CTDSP2: variants seen among roughly 807,000 people sequenced by gnomAD.
CTDSP2 encodes CTD small phosphatase 2.
A neutral mutation model predicts 31.6 loss-of-function variants in CTDSP2; 9 were observed. The ratio of observed to expected loss-of-function variants is 0.28; its 90% confidence interval spans 0.17 to 0.50. The LOEUF is 0.50. Among genes scored for constraint, CTDSP2 ranks in the 20% least tolerant of loss-of-function variants. The pLI is 0.98. For missense variants in CTDSP2, 267 were observed against 348.5 expected, an observed-to-expected ratio of 0.77 and a Z score of 1.86; for synonymous variants, 134 against 134.5, an observed-to-expected ratio of 1.00 and a Z score of 0.03.
rs529608072 is a variant in CTDSP2 at position 57,821,333 on chromosome 12, C to T, written c.*2269G>A. 6.6e-6 allele frequency: 1 copy of T among 152,444 alleles called. No individual in the cohort carries two copies. Among genetic ancestry groups the T allele is most frequent in the South Asian group, 2.1e-4 (1 of 4,828 alleles). The allele number at this position is 152,444 out of a possible 1,614,324, so 9.4% of individuals were successfully genotyped here. A position where few individuals can be genotyped will look rare whatever the true frequency, so the allele number is the denominator to read the frequency against. ...TCATGCAGATGCAGCAGGGACACTC[C>T]CACCAAGCCATCCTGGGCTTTGGTC... On this transcript the variant is annotated 3_prime_UTR_variant, in exon 8 of 8. Coordinates refer to ENST00000398073, the MANE Select transcript of CTDSP2 (RefSeq NM_005730.4).
chr12:57,824,343 T>C (rs371325515), intron 5 of CTDSP2, 24 bp from the exon 6 acceptor site: 98 of 1,563,394 alleles, frequency 6.3e-5, no homozygotes, highest in East Asian at 6.7e-5. Flanking sequence ...GAGCAGCCTG[T>C]TGGAGGCATC....
chr12:57,822,941 A>C lies in CTDSP2; in HGVS notation c.*661T>G, dbSNP rs1956156591. ...GTGAGGAAGGCAGGCTCAGCACCCC[A>C]GCCTTGGGGAGACATAGAAAAGGCC... On this transcript the variant is annotated 3_prime_UTR_variant, in exon 8 of 8. Transcript: ENST00000398073. 1 of 152,876 alleles carries C rather than the reference A, an allele frequency of 6.5e-6. No homozygotes were observed. The allele number at this position is 152,876 out of a possible 1,614,324, so 9.5% of individuals were successfully genotyped here.
chr12:57,824,144 C>A, intron 6 of CTDSP2, 55 bp from the exon 7 acceptor site: 1 of 1,610,714 alleles, frequency 6.2e-7, no homozygotes, highest in Non-Finnish European at 8.5e-7. Context: ...TCCTGTATAA[C>A]CCTAGGGACC....
At chr12:57,832,618 A>G (rs1329715876) in intron 1 of CTDSP2, among the ~76,000 whole-genome samples, 1 of 151,698 alleles carries the variant, frequency 6.6e-6, no homozygotes, top group African/African-American at 2.4e-5. Flanking sequence ...ATGGTGAAAC[A>G]CCGTCTCTAT....
intron 1 of CTDSP2, among the ~76,000 whole-genome samples, chr12:57,837,629 T>G (rs909416210): frequency 2.0e-5 from 3 of 150,712 alleles, no homozygotes; most frequent in Admixed American, 6.6e-5. Flanking sequence ...AGGTGGAGGT[T>G]GCAGTGAGCC....
At position 57,829,485 on chromosome 12, in the gene CTDSP2, A is replaced by T; in HGVS notation, c.176T>A (p.Leu59His). ...GTTTGCTTCCTCCTTATACGCAGCG[A>T]GCTCAGTGGAGGAACTTGACTGGCC... ...HVGQSSSSTE[L>H]AAYKEEANTI... Residue 59 changes from leucine to histidine, a missense_variant, in exon 2 of 8, where the codon CTC becomes CAC. By Grantham distance (99) the Leu-to-His change is moderately conservative. Coordinates refer to ENST00000398073, the MANE Select transcript of CTDSP2 (RefSeq NM_005730.4). 6.2e-7 allele frequency: 1 copy of T among 1,614,170 alleles called. No homozygotes were observed. The highest frequency in any genetic ancestry group is 8.5e-7 in the Non-Finnish European group (1 of 1,180,030).
At chr12:57,840,457 G>T (rs191726049) in intron 1 of CTDSP2, among the ~76,000 whole-genome samples, 3 of 152,144 alleles carry the variant, frequency 2.0e-5, no homozygotes, top group African/African-American at 7.2e-5. Flanking sequence ...TCTATGTGAC[G>T]TGAGTCAGAA....
chr12:57,823,475 A>T lies in CTDSP2; in HGVS notation c.*127T>A. 1 of 1,123,580 alleles carries T rather than the reference A, an allele frequency of 8.9e-7. No homozygotes were observed. Among genetic ancestry groups the T allele is most frequent in the Non-Finnish European group, 1.3e-6 (1 of 791,678 alleles). The allele number at this position is 1,123,580 out of a possible 1,614,324, so 69.6% of individuals were successfully genotyped here. A position where few individuals can be genotyped will look rare whatever the true frequency, so the allele number is the denominator to read the frequency against. ...TCTAAGCTGTCCTAAAGCTCTTTCC[A>T]GTTACTTCCCGCTGTTTCCGGGCCG... On this transcript the variant is annotated 3_prime_UTR_variant, in exon 8 of 8. Coordinates refer to ENST00000398073, the MANE Select transcript of CTDSP2 (RefSeq NM_005730.4).
In CTDSP2 at chr12:57,831,697, T is replaced by C. The variant is rs137894306; in HGVS notation, c.65-2101A>G. On this transcript the variant is annotated intron_variant, in intron 1 of 7. Coordinates refer to ENST00000398073, the MANE Select transcript of CTDSP2 (RefSeq NM_005730.4). ...TTCCAGTTTAAAGCACAGGGCAAACTACTGTGCAGGAAAATGGATGCCGGA... is the reference window on the plus strand; with the variant it reads ...TTCCAGTTTAAAGCACAGGGCAAACCACTGTGCAGGAAAATGGATGCCGGA... 6.4e-3 allele frequency among the ~76,000 whole-genome samples: 978 copies of C among 152,280 alleles called. 10 individuals are homozygous for C. Among genetic ancestry groups the C allele is most frequent in the African/African-American group, 0.023 (939 of 41,560 alleles).
rs930799825 is a variant in CTDSP2, at chr12:57,846,564, T to TC, written c.-130dup. ...ACTCCGACTTCCACAGCTGTTCACA[T>TC]CCCCCCTCTCGTTTCCTCCCCGGAC... On this transcript the variant is annotated 5_prime_UTR_variant, in exon 1 of 8. Coordinates refer to ENST00000398073, the MANE Select transcript of CTDSP2 (RefSeq NM_005730.4). 4.3e-5 allele frequency: 31 copies of TC among 718,722 alleles called. No homozygotes were observed. The highest frequency in any genetic ancestry group is 1.9e-4 in the African/African-American group (10 of 51,946). 44.5% of individuals were successfully genotyped at this position (718,722 alleles called of 1,614,324 possible).
rs1288319954 is a variant in CTDSP2 at position 57,822,765 on chromosome 12, G to C, written c.*837C>G. 1 of 152,332 alleles carries C rather than the reference G, an allele frequency of 6.6e-6. No individual in the cohort carries two copies. Among genetic ancestry groups the C allele is most frequent in the Non-Finnish European group, 1.5e-5 (1 of 68,058 alleles). 9.4% of individuals were successfully genotyped at this position (152,332 alleles called of 1,614,324 possible). On this transcript the variant is annotated 3_prime_UTR_variant, in exon 8 of 8. Transcript: ENST00000398073. ...CGACATTCATTACAGGCCCAGGACT[G>C]TAACTTTGTCAGAAACAAACCAGGC...
intron 2 of CTDSP2, among the ~76,000 whole-genome samples, chr12:57,828,354 G>A (rs1956195649): frequency 6.6e-6 from 1 of 151,840 alleles, no homozygotes; most frequent in Non-Finnish European, 1.5e-5. Flanking sequence ...GGGAGGCGGA[G>A]GTTGCGGTGA....
intron 1 of CTDSP2, among the ~76,000 whole-genome samples, chr12:57,839,666 T>C (rs1956270609): frequency 1.3e-5 from 2 of 151,748 alleles, no homozygotes; most frequent in Non-Finnish European, 2.9e-5. Flanking sequence ...TGCAGTGAGC[T>C]GAGATCGAGA....
intron 6 of CTDSP2, 40 bp from the exon 7 acceptor site, chr12:57,824,129 G>C: frequency 2.5e-6 from 4 of 1,611,566 alleles, no homozygotes; most frequent in South Asian, 2.2e-5. Context: ...ATACACTCCT[G>C]GTCCTCCTGT....
intron 1 of CTDSP2, chr12:57,845,527 A>C (rs1373212286): frequency 6.6e-6 from 1 of 152,090 alleles, no homozygotes; most frequent in Non-Finnish European, 1.5e-5. Flanking sequence ...GAGAACTCGC[A>C]CTTTTTCGCT....
Position 57,824,012 on chromosome 12 carries a change from G to C in CTDSP2, c.582C>G (p.Phe194Leu). The C allele has an allele frequency of 6.2e-7, 1 of 1,614,098 alleles. No individual in the cohort carries two copies. The highest frequency in any genetic ancestry group is 1.3e-5 in the African/African-American group (1 of 75,010). ...RARLFRESCVFHQGCYVKDLS... is the reference protein window; with the variant it reads ...RARLFRESCVLHQGCYVKDLS... ...GGTCCTTGACGTAGCAGCCCTGGTGGAACACGCAAGACTCACGGAATAGGC... is the reference window on the plus strand; with the variant it reads ...GGTCCTTGACGTAGCAGCCCTGGTGCAACACGCAAGACTCACGGAATAGGC... Residue 194 changes from phenylalanine to leucine, a missense_variant, in exon 7 of 8, where the codon TTC becomes TTG. Coordinates refer to ENST00000398073, the MANE Select transcript of CTDSP2 (RefSeq NM_005730.4).
intron 5 of CTDSP2, among the ~76,000 whole-genome samples, chr12:57,825,686 G>A (rs972456717): frequency 2.0e-5 from 3 of 152,242 alleles, no homozygotes; most frequent in African/African-American, 7.2e-5. Context: ...TGCCTGGGCT[G>A]CAGGCTGGAG....
chr12:57,823,967 G>C lies in CTDSP2; in HGVS notation c.627C>G (p.Asp209Glu). 6.2e-7 allele frequency: 1 copy of C among 1,614,074 alleles called. No homozygotes were observed. The highest frequency in any genetic ancestry group is 1.1e-5 in the South Asian group (1 of 91,076). Residue 209 changes from aspartate to glutamate, a missense_variant, in exon 7 of 8, where the codon GAC becomes GAG. By Grantham distance (45) the Asp-to-Glu change is conservative. Transcript: ENST00000398073. ...TGTCCAGGATGAGGGTCTTTCTCAGGTCCCTCCCCAGGCGGCTGAGGTCCT... is the reference window on the plus strand; with the variant it reads ...TGTCCAGGATGAGGGTCTTTCTCAGCTCCCTCCCCAGGCGGCTGAGGTCCT... Reference protein sequence around the residue: ...YVKDLSRLGRDLRKTLILDNS... With the variant: ...YVKDLSRLGRELRKTLILDNS...
chr12:57,839,903 C>G (rs1458673533), intron 1 of CTDSP2, among the ~76,000 whole-genome samples: 1 of 151,922 alleles, frequency 6.6e-6, no homozygotes, highest in Non-Finnish European at 1.5e-5. Context: ...ATATAAAATG[C>G]TAGGAATAGT....
Sources: allele counts gnomAD v4.1 joint callset (sites outside exome capture counted in the v4.1 genomes callset), GRCh38; gene constraint gnomAD v4.1.1; transcripts MANE v1.5; gene names NCBI Gene and HGNC (gene_info 2026-07-23, HGNC 2026-07-21).